The following IGSF21 variants were observed in gnomAD, a reference collection of about 807,000 sequenced individuals.
IGSF21 encodes immunoglobin superfamily member 21.
In IGSF21, 28 loss-of-function variants were observed where a neutral mutation model predicts 46.8. The observed-to-expected ratio is 0.60, with a 90% CI of 0.44 to 0.82. IGSF21 has a LOEUF of 0.82. Ranked by LOEUF, IGSF21 falls within the 40% of genes least tolerant of loss-of-function variation. The pLI is 0.00. For missense variants in IGSF21, 624 were observed against 665.5 expected (o/e 0.94, Z 0.69); for synonymous variants, 284 against 273.6 (o/e 1.04, Z -0.38).
At chr1:18,304,720 CACACACACAT>C (rs1209548135) in intron 3 of IGSF21, among the ~76,000 whole-genome samples, 14 of 125,424 alleles carry the variant, frequency 1.1e-4, no homozygotes, top group African/African-American at 3.4e-4. Flanking sequence ...CACACACACA[CACACACACAT>C]ACACACACAC....
intron 2 of IGSF21, among the ~76,000 whole-genome samples, chr1:18,232,148 T>C (rs1186461479): frequency 1.3e-5 from 2 of 151,538 alleles, no homozygotes; most frequent in Non-Finnish European, 2.9e-5. Flanking sequence ...CATGGGTTCA[T>C]CTCCCAGATT....
intron 1 of IGSF21, among the ~76,000 whole-genome samples, chr1:18,144,094 G>A (rs747854889): frequency 1.3e-5 from 2 of 152,166 alleles, no homozygotes; most frequent in Non-Finnish European, 2.9e-5. Context: ...TTAGGGGAAT[G>A]TCAGTGTCTA....
At chr1:18,283,214 T>G (rs2085179758) in intron 2 of IGSF21, among the ~76,000 whole-genome samples, 1 of 152,134 alleles carries the variant, frequency 6.6e-6, no homozygotes, top group Non-Finnish European at 1.5e-5. Context: ...ACAGGCAATT[T>G]ATGACACCAG....
chr1:18,221,020 C>T (rs1047491360), intron 1 of IGSF21, among the ~76,000 whole-genome samples: 6 of 152,242 alleles, frequency 3.9e-5, no homozygotes, highest in African/African-American at 1.2e-4. Flanking sequence ...TGATCAGGGA[C>T]CATGAATGGG....
chr1:18,218,486 C>CA (rs2084475933), intron 1 of IGSF21, among the ~76,000 whole-genome samples: 1 of 152,246 alleles, frequency 6.6e-6, no homozygotes, highest in Admixed American at 6.5e-5. Context: ...AGACAAGCCT[C>CA]ATTTCATCTT....
At chr1:18,195,948 G>A (rs953455870) in intron 1 of IGSF21, among the ~76,000 whole-genome samples, 8 of 152,208 alleles carry the variant, frequency 5.3e-5, no homozygotes, top group African/African-American at 1.9e-4. Context: ...AGCAGCCAGC[G>A]CAAGTGGCAG....
Position 18,323,408 on chromosome 1 carries a change from G to A in IGSF21, c.306-11484G>A, listed in dbSNP as rs537469925. On this transcript the variant is annotated intron_variant, in intron 3 of 9. Transcript: ENST00000251296. ...GAGCAGAGTGTGGTGAGCCCCACCCGTCCAGCACCAAAAGTCCCCTTGCAG... is the reference window on the plus strand; with the variant it reads ...GAGCAGAGTGTGGTGAGCCCCACCCATCCAGCACCAAAAGTCCCCTTGCAG... Among the ~76,000 whole-genome samples the A allele has an allele frequency of 1.3e-3, 196 of 152,282 alleles. 1 individual carries two copies. The highest frequency in any genetic ancestry group is 4.5e-3 in the African/African-American group (188 of 41,560).
At chr1:18,141,467 G>T (rs567932156) in intron 1 of IGSF21, among the ~76,000 whole-genome samples, 5 of 152,266 alleles carry the variant, frequency 3.3e-5, no homozygotes, top group Non-Finnish European at 5.9e-5. Context: ...AGCAGGCAGA[G>T]AACTTGCTGG....
intron 2 of IGSF21, among the ~76,000 whole-genome samples, chr1:18,268,670 C>T (rs537907737): frequency 6.6e-6 from 1 of 152,302 alleles, no homozygotes; most frequent in South Asian, 2.1e-4. Context: ...AGTTATTTGT[C>T]AGAACTTGCA....
At chr1:18,373,648 G>C (rs1184531220) in intron 6 of IGSF21, among the ~76,000 whole-genome samples, 4 of 152,134 alleles carry the variant, frequency 2.6e-5, no homozygotes, top group Admixed American at 6.5e-5. Flanking sequence ...CCAGGAGCCG[G>C]GGTGCCCTGG....
At chr1:18,172,577 CAGAG>C (rs140226104) in intron 1 of IGSF21, among the ~76,000 whole-genome samples, 5 of 151,074 alleles carry the variant, frequency 3.3e-5, no homozygotes, top group African/African-American at 9.7e-5. Context: ...GTTGCATGTG[CAGAG>C]AGAGAGAGAG....
At chr1:18,116,938 G>A (rs1035225412) in intron 1 of IGSF21, among the ~76,000 whole-genome samples, 1 of 152,204 alleles carries the variant, frequency 6.6e-6, no homozygotes, top group African/African-American at 2.4e-5. Context: ...GAGGCTCCTG[G>A]CCTTGCTTAA....
intron 3 of IGSF21, among the ~76,000 whole-genome samples, chr1:18,311,652 G>T (rs1178943792): frequency 1.3e-5 from 2 of 152,180 alleles, no homozygotes; most frequent in African/African-American, 4.8e-5. Context: ...AAGAAAAAGA[G>T]ATTTAATGGA....
intron 1 of IGSF21, among the ~76,000 whole-genome samples, chr1:18,146,847 A>G (rs1487801599): frequency 1.3e-5 from 2 of 152,164 alleles, no homozygotes; most frequent in Non-Finnish European, 2.9e-5. Flanking sequence ...AGATGAGGAA[A>G]GTAAGACTCA....
At chr1:18,359,458 GAAAGGGAAGGAAGGAAGGAA>G (rs1281812727) in intron 4 of IGSF21, among the ~76,000 whole-genome samples, 22 of 120,900 alleles carry the variant, frequency 1.8e-4, no homozygotes, top group African/African-American at 6.7e-4. Flanking sequence ...AAGAAAGAAA[GAAAGGGAAGGAAGGAAGGAA>G]GGAAGGAAGG....
intron 1 of IGSF21, among the ~76,000 whole-genome samples, chr1:18,149,851 G>A (rs1314363189): frequency 6.6e-6 from 1 of 152,054 alleles, no homozygotes. Flanking sequence ...GTAGATCTGG[G>A]GAGCCTCTGG....
chr1:18,263,959 T>A (rs938795753), intron 2 of IGSF21, among the ~76,000 whole-genome samples: 1 of 152,202 alleles, frequency 6.6e-6, no homozygotes, highest in Non-Finnish European at 1.5e-5. Context: ...CAGTTTACAA[T>A]TGCCTGGGAT....
At chr1:18,192,144 T>TC in intron 1 of IGSF21, among the ~76,000 whole-genome samples, 1 of 152,230 alleles carries the variant, frequency 6.6e-6, no homozygotes, top group Non-Finnish European at 1.5e-5. Flanking sequence ...ATTTACCACG[T>TC]AAGCATCCTG....
intron 3 of IGSF21, among the ~76,000 whole-genome samples, chr1:18,299,985 G>A (rs1425709929): frequency 6.6e-6 from 1 of 152,184 alleles, no homozygotes; most frequent in Non-Finnish European, 1.5e-5. Flanking sequence ...AGCACCTTGG[G>A]AGGCTGAGGT....
Sources: allele counts gnomAD v4.1 joint callset (sites outside exome capture counted in the v4.1 genomes callset), GRCh38; gene constraint gnomAD v4.1.1; transcripts MANE v1.5; gene names NCBI Gene and HGNC (gene_info 2026-07-23, HGNC 2026-07-21).